Variants in COL5A2 observed in about 807,000 individuals in gnomAD.
COL5A2 encodes the protein collagen alpha-2(V) chain.
In COL5A2, 23 loss-of-function variants were observed where a neutral mutation model predicts 208.2. The ratio of observed to expected loss-of-function variants is 0.11; its 90% confidence interval spans 0.08 to 0.16. COL5A2 has a LOEUF of 0.16. COL5A2 is among the 10% of genes least tolerant of loss of function. The pLI, the probability that COL5A2 is intolerant of heterozygous loss-of-function variation, is 1.00. For missense variants in COL5A2, 1,590 were observed against 1,956.4 expected (o/e 0.81, Z 3.53); for synonymous variants, 625 against 628.5 (o/e 0.99, Z 0.08).
At chr2:189,348,474 T>G in the COL5A2 span, among the ~76,000 whole-genome samples, 1 of 152,150 alleles carries the variant, frequency 6.6e-6, no homozygotes, top group Non-Finnish European at 1.5e-5. Flanking sequence ...GTTCTAGTTA[T>G]GAAATAAGAT....
chr2:189,260,577 C>G, the COL5A2 span, among the ~76,000 whole-genome samples: 1 of 151,232 alleles, frequency 6.6e-6, no homozygotes, highest in East Asian at 2.0e-4. Context: ...TTGATGTAAA[C>G]AAAAAACCTA....
intron 1 of COL5A2, among the ~76,000 whole-genome samples, chr2:189,197,070 C>G (rs1689011275): frequency 6.6e-6 from 1 of 151,992 alleles, no homozygotes; most frequent in Admixed American, 6.6e-5. Context: ...CACTGACAGA[C>G]TGGATACATA....
chr2:189,329,631 A>G, the COL5A2 span, among the ~76,000 whole-genome samples: 1 of 152,082 alleles, frequency 6.6e-6, no homozygotes, highest in Admixed American at 6.6e-5. Flanking sequence ...TAAACCTAGG[A>G]AAAAAAATAA....
chr2:189,415,258 A>T, the COL5A2 span, among the ~76,000 whole-genome samples: 537 of 152,108 alleles, frequency 3.5e-3, 5 homozygotes, highest in African/African-American at 0.011. Context: ...TTTAGGGTAA[A>T]TTTTTTTAAA....
chr2:189,334,814 T>C, the COL5A2 span, among the ~76,000 whole-genome samples: 2 of 152,036 alleles, frequency 1.3e-5, no homozygotes, highest in East Asian at 3.8e-4. Flanking sequence ...AGGGCTTGCA[T>C]TACCTGATTT....
intron 2 of COL5A2, among the ~76,000 whole-genome samples, chr2:189,106,206 G>A (rs895673671): frequency 6.6e-6 from 1 of 151,372 alleles, no homozygotes; most frequent in Non-Finnish European, 1.5e-5. Flanking sequence ...TTAACTTATG[G>A]AGAATTTATG....
the COL5A2 span, among the ~76,000 whole-genome samples, chr2:189,277,977 A>C: frequency 6.4e-3 from 975 of 152,198 alleles, 11 homozygotes; most frequent in African/African-American, 0.022. Flanking sequence ...ATTAAGTATA[A>C]AAGGTTTTTT....
the COL5A2 span, among the ~76,000 whole-genome samples, chr2:189,253,523 C>T: frequency 3.9e-5 from 6 of 152,216 alleles, no homozygotes; most frequent in Admixed American, 3.9e-4. Context: ...TTCCTCCCAG[C>T]TTTGTGTGTC....
chr2:189,335,058 T>TA, the COL5A2 span, among the ~76,000 whole-genome samples: 4 of 151,768 alleles, frequency 2.6e-5, no homozygotes, highest in Non-Finnish European at 4.4e-5. Context: ...ACATTACATG[T>TA]AAAAAAAATT....
chr2:189,378,230 C>T, the COL5A2 span, among the ~76,000 whole-genome samples: 2 of 151,956 alleles, frequency 1.3e-5, no homozygotes, highest in African/African-American at 4.8e-5. Flanking sequence ...GGATATGAGG[C>T]AGTTTAGACA....
rs34864736 is a variant in COL5A2, at chr2:189,125,919, C to T, written c.98-15470G>A. 4.2e-3 allele frequency among the ~76,000 whole-genome samples: 638 copies of T among 152,112 alleles called. 2 individuals carry two copies. The highest frequency in any genetic ancestry group is 8.4e-3 in the Admixed American group (128 of 15,242). ...AAAGTTGCTTATTTCTTATGGGATC[C>T]AGGCTTTGGATTCCTTTAACTATAG... On this transcript the variant is annotated intron_variant, in intron 1 of 53. Transcript: ENST00000374866.
chr2:189,153,033 T>C (rs1021088369), intron 1 of COL5A2, among the ~76,000 whole-genome samples: 1 of 152,198 alleles, frequency 6.6e-6, no homozygotes, highest in Non-Finnish European at 1.5e-5. Flanking sequence ...TTGTATTTTC[T>C]CATCTTTTAG....
intron 18 of COL5A2, 87 bp downstream of exon 18, chr2:189,071,953 T>G: frequency 1.1e-6 from 1 of 924,860 alleles, no homozygotes; most frequent in Non-Finnish European, 1.7e-6. Flanking sequence ...ACTTTCACAC[T>G]TTTCAATTAA....
Position 189,066,791 on chromosome 2 carries a change from AATATATTGATATTTGTAAG to A in COL5A2, c.1402-28_1402-10del. 3 of 1,610,166 alleles carry A rather than the reference AATATATTGATATTTGTAAG, an allele frequency of 1.9e-6. No homozygotes were observed. The highest frequency in any genetic ancestry group is 2.6e-6 in the Non-Finnish European group (3 of 1,176,462). On this transcript the variant is annotated splice_polypyrimidine_tract_variant and intron_variant, in intron 21 of 53. Transcript: ENST00000374866. ...GGAACTCCTGGATCACCCTGAAAAA[AATATATTGATATTTGTAAG>A]AACCAGGACATTTAGCTAGTCCAAT...
the COL5A2 span, among the ~76,000 whole-genome samples, chr2:189,236,570 G>C: frequency 2.2e-3 from 333 of 151,776 alleles, 3 homozygotes; most frequent in Admixed American, 3.7e-3. Context: ...GTGTAGAGTG[G>C]CATCACATTT....
At chr2:189,320,561 T>G in the COL5A2 span, among the ~76,000 whole-genome samples, 1 of 151,904 alleles carries the variant, frequency 6.6e-6, no homozygotes, top group East Asian at 1.9e-4. Flanking sequence ...GAAGAAAGAG[T>G]ATCAGTGATT....
At chr2:189,291,671 C>T in the COL5A2 span, among the ~76,000 whole-genome samples, 1 of 152,034 alleles carries the variant, frequency 6.6e-6, no homozygotes, top group African/African-American at 2.4e-5. Context: ...GAAATTATGA[C>T]TCACTATATA....
chr2:189,161,765 T>C (rs749908209), intron 1 of COL5A2, among the ~76,000 whole-genome samples: 10 of 152,172 alleles, frequency 6.6e-5, no homozygotes, highest in Non-Finnish European at 1.3e-4. Flanking sequence ...AAGGAGCATA[T>C]GATATAACTA....
At chr2:189,047,106 G>A (rs1307843488) in intron 45 of COL5A2, among the ~76,000 whole-genome samples, 3 of 146,170 alleles carry the variant, frequency 2.1e-5, no homozygotes, top group Non-Finnish European at 4.5e-5. Flanking sequence ...TGGCAACAGA[G>A]CAAGACTCTG....
Sources: gnomAD v4.1 joint callset for allele counts (sites outside exome capture counted in the v4.1 genomes callset) on GRCh38, gnomAD v4.1.1 for gene constraint, MANE v1.5 for transcripts, NCBI Gene and HGNC (gene_info 2026-07-23, HGNC 2026-07-21) for gene names.